The following GRK2 variants were observed in gnomAD, a reference collection of about 807,000 sequenced individuals.
GRK2 encodes adrenergic beta receptor kinase 1.
GRK2 carries 23 observed loss-of-function variants against 97.8 expected under a neutral mutation model. The observed-to-expected ratio is 0.24, with a 90% CI of 0.17 to 0.33. The LOEUF is 0.33. Ranked by LOEUF, GRK2 falls within the 10% of genes least tolerant of loss-of-function variation. The probability of loss-of-function intolerance (pLI) is 1.00; values close to 1 mark genes in which losing one functional copy is unlikely to be tolerated. For synonymous variants in GRK2, 425 were observed against 381.7 expected, an observed-to-expected ratio of 1.11 and a Z score of -1.32; for missense variants, 633 against 956.9, an observed-to-expected ratio of 0.66 and a Z score of 4.47.
In GRK2 at chr11:67,285,636, G is replaced by C; in HGVS notation, c.*186G>C. On this transcript the variant is annotated 3_prime_UTR_variant, in exon 21 of 21. Transcript: ENST00000308595. The stretch of plus-strand genomic sequence containing the variant: ...TGCTGCACCAACCCAGCCGCTGCCC[G>C]GCGCCCTCTGTCCTGACTTCAGGGG... 1.4e-6 allele frequency: 1 copy of C among 711,910 alleles called. No individual in the cohort carries two copies. Among genetic ancestry groups the C allele is most frequent in the Non-Finnish European group, 2.2e-6 (1 of 453,700 alleles). The allele number at this position is 711,910 out of a possible 1,614,324, so 44.1% of individuals were successfully genotyped here. A position where few individuals can be genotyped will look rare whatever the true frequency, so the allele number is the denominator to read the frequency against.
At chr11:67,280,127 G>T in intron 6 of GRK2, 1 of 577,050 alleles carries the variant, frequency 1.7e-6, no homozygotes, top group Non-Finnish European at 3.1e-6. Flanking sequence ...ATCCCAGGCA[G>T]TCTCCTAGCT....
At chr11:67,279,924 A>T in intron 6 of GRK2, 24 bp downstream of exon 6, 1 of 1,609,930 alleles carries the variant, frequency 6.2e-7, no homozygotes, top group Non-Finnish European at 8.5e-7. Context: ...AGTGTGGGAG[A>T]GGAAGGGGGA....
At position 67,281,968 on chromosome 11, in the gene GRK2, G is replaced by C. The variant is rs1860162163; in HGVS notation, c.957+16G>C. Reference sequence around the variant, plus strand: ...GGACCTGAAGGTGAGCGCCCCTGCTGTCCCCAGGCTGGACCTCCGTGGCTG... The same window carrying C: ...GGACCTGAAGGTGAGCGCCCCTGCTCTCCCCAGGCTGGACCTCCGTGGCTG... On this transcript the variant is annotated intron_variant, in intron 11 of 20. Coordinates refer to ENST00000308595, the MANE Select transcript of GRK2 (RefSeq NM_001619.5). This position sits in a 1 kb window ranked among gnomAD's most constrained non-coding sequence, Gnocchi z 5.7. 6.2e-7 allele frequency: 1 copy of C among 1,612,940 alleles called. No individual in the cohort carries two copies.
intron 1 of GRK2, among the ~76,000 whole-genome samples, chr11:67,275,976 G>A (rs753767523): frequency 3.3e-5 from 5 of 152,220 alleles, no homozygotes; most frequent in Admixed American, 2.0e-4. Context: ...GCGGGTCCTC[G>A]TGACCACAGC....
chr11:67,273,896 G>T (rs1046855391), intron 1 of GRK2, among the ~76,000 whole-genome samples: 1 of 152,068 alleles, frequency 6.6e-6, no homozygotes, highest in African/African-American at 2.4e-5. Context: ...CCTGGCTGTC[G>T]CAGGCAGGGA....
intron 1 of GRK2, 133 bp from the exon 2 acceptor site, chr11:67,277,139 G>A: frequency 1.1e-5 from 8 of 755,026 alleles, no homozygotes; most frequent in Non-Finnish European, 1.5e-5. Flanking sequence ...GGATAAGTGA[G>A]TAGGCCTGAC....
Position 67,269,444 on chromosome 11 carries a change from C to T in GRK2, c.113+2632C>T, listed in dbSNP as rs1859863007. Reference sequence around the variant, plus strand: ...AGGCCAGTGCTGTTTCTTTGCTGTGCTTTATCCCCTCCACCCACCCCTGCA... The same window carrying T: ...AGGCCAGTGCTGTTTCTTTGCTGTGTTTTATCCCCTCCACCCACCCCTGCA... On this transcript the variant is annotated intron_variant, in intron 1 of 20. Transcript: ENST00000308595. This position sits in a 1 kb window ranked among gnomAD's most constrained non-coding sequence, Gnocchi z 4.1. Among the ~76,000 whole-genome samples the T allele has an allele frequency of 6.6e-6, 1 of 152,174 alleles. No individual in the cohort carries two copies. The highest frequency in any genetic ancestry group is 1.9e-4 in the East Asian group (1 of 5,196).
Position 67,276,978 on chromosome 11 carries a change from A to G in GRK2, c.114-294A>G. ...GTGACTTGGCCAAGTTCCCAAAGCC[A>G]GCCGGTGGCATCACTGGGACGAGAC... On this transcript the variant is annotated intron_variant, in intron 1 of 20. Coordinates refer to ENST00000308595, the MANE Select transcript of GRK2 (RefSeq NM_001619.5). This position sits in a 1 kb window ranked among gnomAD's most constrained non-coding sequence, Gnocchi z 4.2. 1 of 290,150 alleles carries G rather than the reference A, an allele frequency of 3.4e-6. No homozygotes were observed. Among genetic ancestry groups the G allele is most frequent in the Non-Finnish European group, 6.5e-6 (1 of 153,604 alleles). 18.0% of individuals were successfully genotyped at this position (290,150 alleles called of 1,614,324 possible).
chr11:67,283,099 C>T (rs200816216), intron 14 of GRK2, 29 bp from the exon 15 acceptor site: 120 of 1,606,278 alleles, frequency 7.5e-5, no homozygotes, highest in Admixed American at 4.5e-4. Flanking sequence ...CTTCCTAAGC[C>T]CCTGCTAATG....
At chr11:67,280,503 C>T (rs550327046) in intron 6 of GRK2, 35 of 594,202 alleles carry the variant, frequency 5.9e-5, no homozygotes, top group Non-Finnish European at 1.0e-4. Context: ...AGCAGGAAGC[C>T]ACGGCCAGGT....
intron 1 of GRK2, among the ~76,000 whole-genome samples, chr11:67,271,728 C>T (rs538177159): frequency 6.6e-6 from 1 of 152,258 alleles, no homozygotes; most frequent in East Asian, 1.9e-4. Context: ...GCGGGGCCAG[C>T]TGGCTTTTTC....
Position 67,285,390 on chromosome 11 carries a change from G to A in GRK2, c.2010G>A (p.Ser670=), listed in dbSNP as rs34791957. 78 of 1,608,894 alleles carry A rather than the reference G, an allele frequency of 4.8e-5. 1 individual carries two copies. In the South Asian group the frequency reaches 6.5e-4, roughly 13 times the overall value. The change falls in exon 21 of 21, where the codon TCG becomes TCA. Residue 670 remains serine (S), a synonymous_variant. Coordinates refer to ENST00000308595, the MANE Select transcript of GRK2 (RefSeq NM_001619.5). The stretch of plus-strand genomic sequence containing the variant: ...CCAAGATGAAGAACAAGCCGCGCTC[G>A]CCCGTGGTGGAGCTGAGCAAGGTGC... ...RVPKMKNKPR[S]PVVELSKVPL...
intron 6 of GRK2, 30 bp downstream of exon 6, chr11:67,279,930 G>C (rs568332978): frequency 3.7e-6 from 6 of 1,606,192 alleles, no homozygotes; most frequent in Non-Finnish European, 4.3e-6. Flanking sequence ...GGAGAGGAAG[G>C]GGGAGGGAGG....
chr11:67,266,893 ACCCCGCGACCTGGAC>A (rs1859813847), intron 1 of GRK2, 81 bp downstream of exon 1: 1 of 584,864 alleles, frequency 1.7e-6, no homozygotes, highest in Admixed American at 5.1e-5. Flanking sequence ...CCCATGCTCG[ACCCCGCGACCTGGAC>A]CCCCGGGGCC....
chr11:67,285,629 G>A lies in GRK2; in HGVS notation c.*179G>A, dbSNP rs1860262650. 1.1e-5 allele frequency: 8 copies of A among 742,566 alleles called. No homozygotes were observed. Among genetic ancestry groups the A allele is most frequent in the Middle Eastern group, 4.0e-4 (1 of 2,526 alleles). The allele number at this position is 742,566 out of a possible 1,614,324, so 46.0% of individuals were successfully genotyped here. A position where few individuals can be genotyped will look rare whatever the true frequency, so the allele number is the denominator to read the frequency against. On this transcript the variant is annotated 3_prime_UTR_variant, in exon 21 of 21. Coordinates refer to ENST00000308595, the MANE Select transcript of GRK2 (RefSeq NM_001619.5). ...CGGCTCCTGCTGCACCAACCCAGCC[G>A]CTGCCCGGCGCCCTCTGTCCTGACT...
chr11:67,273,514 G>A (rs940769208), intron 1 of GRK2, among the ~76,000 whole-genome samples: 2 of 151,874 alleles, frequency 1.3e-5, no homozygotes, highest in African/African-American at 2.4e-5. Context: ...CACCCTGGCA[G>A]GAGCTGCCCC....
At position 67,285,276 on chromosome 11, in the gene GRK2, G is replaced by A. The variant is rs1412191485; in HGVS notation, c.1906-10G>A. ...GCCCCAGCTGACAGAGCTGGGCTTGGCATGTGCAGAGCGACCCTGAGCTGG... is the reference window on the plus strand; with the variant it reads ...GCCCCAGCTGACAGAGCTGGGCTTGACATGTGCAGAGCGACCCTGAGCTGG... On this transcript the variant is annotated splice_polypyrimidine_tract_variant and intron_variant, in intron 20 of 20. Transcript: ENST00000308595. The A allele has an allele frequency of 1.2e-6, 2 of 1,608,882 alleles. No homozygotes were observed. The highest frequency in any genetic ancestry group is 2.7e-5 in the African/African-American group (2 of 74,898).
intron 1 of GRK2, among the ~76,000 whole-genome samples, chr11:67,275,955 G>A (rs1860019577): frequency 6.6e-6 from 1 of 152,228 alleles, no homozygotes; most frequent in Non-Finnish European, 1.5e-5. Context: ...TGCCTCAGGG[G>A]TAGATGTGCA....
At position 67,281,129 on chromosome 11, in the gene GRK2, G is replaced by A; in HGVS notation, c.592G>A (p.Gly198Arg). ...MNDFSVHRII[G>R]RGGFGEVYGC... ...TGACTTCAGCGTGCATCGCATCATTGGGCGCGGGGGCTTTGGCGAGGTCTA... is the reference window on the plus strand; with the variant it reads ...TGACTTCAGCGTGCATCGCATCATTAGGCGCGGGGGCTTTGGCGAGGTCTA... Residue 198 changes from glycine (G) to arginine (R), a missense_variant, in exon 8 of 21, where the codon GGG (glycine) becomes AGG (arginine). Physicochemically the swap from Gly to Arg is moderately radical, Grantham distance 125. Transcript: ENST00000308595. The surrounding 1 kb of genome is among the most constrained non-coding windows in gnomAD (Gnocchi z 5.7). The A allele has an allele frequency of 6.2e-7, 1 of 1,613,540 alleles. No homozygotes were observed. The highest frequency in any genetic ancestry group is 8.5e-7 in the Non-Finnish European group (1 of 1,179,774).
Sources: allele counts gnomAD v4.1 joint callset (sites outside exome capture counted in the v4.1 genomes callset), GRCh38; gene constraint gnomAD v4.1.1; non-coding constraint Gnocchi (gnomAD v3.1); transcripts MANE v1.5; gene names NCBI Gene and HGNC (gene_info 2026-07-23, HGNC 2026-07-21).